The following NEBL variants were observed in gnomAD, a reference collection of about 807,000 sequenced individuals.
NEBL encodes the protein nebulette.
A neutral mutation model predicts 140.2 loss-of-function variants in NEBL; 122 were observed. That is an observed-to-expected ratio of 0.87 (90% confidence interval 0.75 to 1.01). The LOEUF is 1.01. Ranked by LOEUF, NEBL falls within the 50% of genes least tolerant of loss-of-function variation. The pLI is 0.00. For synonymous variants in NEBL, 436 were observed against 398.9 expected, an observed-to-expected ratio of 1.09 and a Z score of -1.11; for missense variants, 1,365 against 1,231.3, an observed-to-expected ratio of 1.11 and a Z score of -1.62.
intron 3 of NEBL, among the ~76,000 whole-genome samples, chr10:21,189,837 C>T (rs1056690405): frequency 9.2e-5 from 14 of 152,176 alleles, no homozygotes; most frequent in African/African-American, 2.9e-4. Context: ...ACTAATCCAA[C>T]AATTTGGAAA....
chr10:20,948,013 T>C (rs1835264659), intron 4 of NEBL, among the ~76,000 whole-genome samples: 1 of 152,254 alleles, frequency 6.6e-6, no homozygotes, highest in Admixed American at 6.5e-5. Flanking sequence ...CATAATGTTT[T>C]AAGAAAGTTG....
intron 3 of NEBL, among the ~76,000 whole-genome samples, chr10:21,238,970 T>C (rs1248226340): frequency 6.6e-6 from 1 of 152,144 alleles, no homozygotes. Context: ...AAAATTCCCT[T>C]TCAAACCCTT....
At chr10:21,097,312 A>T (rs1837239133) in intron 2 of NEBL, among the ~76,000 whole-genome samples, 1 of 151,778 alleles carries the variant, frequency 6.6e-6, no homozygotes. Context: ...TACAAAAATT[A>T]GCCAGGTATG....
At chr10:20,953,076 A>T (rs1672975716) in intron 4 of NEBL, among the ~76,000 whole-genome samples, 1 of 152,188 alleles carries the variant, frequency 6.6e-6, no homozygotes, top group Admixed American at 6.5e-5. Flanking sequence ...CCTGTTATAC[A>T]TGCAGATCAT....
rs975742442 is a variant in NEBL at position 20,920,002 on chromosome 10, A to G, written c.357+41670T>C. On this transcript the variant is annotated intron_variant, in intron 4 of 6. Transcript: ENST00000417816. ...ATCAACAACCCAATATGGACAAAAG[A>G]TGAATAGTTCACAGAAAACAGATAC... Among the ~76,000 whole-genome samples the G allele has an allele frequency of 7.9e-5, 12 of 152,346 alleles. No individual in the cohort carries two copies. In the South Asian group the frequency reaches 2.5e-3, roughly 32 times the overall value.
intron 4 of NEBL, among the ~76,000 whole-genome samples, chr10:20,935,795 G>A (rs1337992267): frequency 6.6e-6 from 1 of 152,092 alleles, no homozygotes; most frequent in African/African-American, 2.4e-5. Flanking sequence ...TAGCTCATTT[G>A]TGAAATAATA....
intron 1 of NEBL, among the ~76,000 whole-genome samples, chr10:21,266,441 G>C (rs1175340110): frequency 6.6e-6 from 1 of 152,062 alleles, no homozygotes; most frequent in Non-Finnish European, 1.5e-5. Context: ...CACTCATACA[G>C]CTCATTACTC....
intron 2 of NEBL, among the ~76,000 whole-genome samples, chr10:21,074,552 A>G (rs1835974740): frequency 2.8e-5 from 4 of 140,476 alleles, no homozygotes; most frequent in African/African-American, 1.1e-4. Context: ...ATCTTGGCTC[A>G]CTGCAACCTC....
intron 3 of NEBL, among the ~76,000 whole-genome samples, chr10:21,202,461 CTTTTTTTT>C (rs35623208): frequency 8.5e-6 from 1 of 117,294 alleles, no homozygotes; most frequent in Non-Finnish European, 1.7e-5. Flanking sequence ...TTTTCTTTTT[CTTTTTTTT>C]TTTTTTTTTT....
At chr10:21,178,737 T>C (rs1399338581), upstream of NEBL, among the ~76,000 whole-genome samples, 3 of 152,184 alleles carry the variant, frequency 2.0e-5, no homozygotes, top group Admixed American at 2.0e-4. Flanking sequence ...CATATCAAAA[T>C]AAGTCCCAAA....
At chr10:20,949,734 G>A (rs374762266) in intron 4 of NEBL, among the ~76,000 whole-genome samples, 9 of 151,676 alleles carry the variant, frequency 5.9e-5, no homozygotes, top group African/African-American at 2.2e-4. Context: ...ATTTCCTTTT[G>A]TGTTTTGTTT....
At chr10:21,124,763 C>T (rs1390408848) in intron 2 of NEBL, among the ~76,000 whole-genome samples, 1 of 152,138 alleles carries the variant, frequency 6.6e-6, no homozygotes, top group Non-Finnish European at 1.5e-5. Context: ...AGACCAATCT[C>T]GGCAACATAG....
intron 26 of NEBL, among the ~76,000 whole-genome samples, chr10:20,801,931 A>G (rs1837162772): frequency 1.3e-5 from 2 of 152,186 alleles, no homozygotes; most frequent in Admixed American, 6.5e-5. Context: ...GGCCATCCCC[A>G]TAAGACTCTC....
At chr10:20,887,163 T>C (rs1846595468) in intron 4 of NEBL, among the ~76,000 whole-genome samples, 1 of 152,204 alleles carries the variant, frequency 6.6e-6, no homozygotes, top group South Asian at 2.1e-4. Context: ...AGATTAAGAA[T>C]GCCTTATGTG....
At chr10:21,070,801 A>T (rs1835782231) in intron 2 of NEBL, among the ~76,000 whole-genome samples, 1 of 152,184 alleles carries the variant, frequency 6.6e-6, no homozygotes, top group Non-Finnish European at 1.5e-5. Flanking sequence ...GGCAATGAAA[A>T]TCATAACTAT....
chr10:20,891,681 AT>A (rs898758814), intron 2 of NEBL, among the ~76,000 whole-genome samples: 19 of 150,948 alleles, frequency 1.3e-4, no homozygotes, highest in South Asian at 2.1e-4. Flanking sequence ...TGTAGACTCT[AT>A]TTTTTTTTCT....
At chr10:21,288,346 T>C (rs1189900572) in intron 1 of NEBL, among the ~76,000 whole-genome samples, 4 of 152,000 alleles carry the variant, frequency 2.6e-5, no homozygotes, top group Admixed American at 2.6e-4. Context: ...CAGGCATCTG[T>C]AGTCCCAGCT....
intron 4 of NEBL, among the ~76,000 whole-genome samples, chr10:20,924,434 A>T (rs1022364915): frequency 6.6e-6 from 1 of 150,720 alleles, no homozygotes. Flanking sequence ...AAAAAAAAAA[A>T]AAAAGGCTAC....
At chr10:20,828,501 G>A in intron 17 of NEBL, 29 bp downstream of exon 17, 1 of 1,419,238 alleles carries the variant, frequency 7.0e-7, no homozygotes, top group Non-Finnish European at 1.0e-6. Context: ...TTTCAAGGTG[G>A]CAACTTAAAA....
Sources: gnomAD v4.1 joint callset for allele counts (sites outside exome capture counted in the v4.1 genomes callset) on GRCh38, gnomAD v4.1.1 for gene constraint, MANE v1.5 for transcripts, NCBI Gene and HGNC (gene_info 2026-07-23, HGNC 2026-07-21) for gene names.